The following TIMP3 variants were observed in gnomAD, a reference collection of about 807,000 sequenced individuals.
TIMP3 encodes the protein metalloproteinase inhibitor 3.
In TIMP3, 11 loss-of-function variants were observed where a neutral mutation model predicts 30.0. The ratio of observed to expected loss-of-function variants is 0.37; its 90% CI spans 0.23 to 0.61. TIMP3 has a LOEUF of 0.61. Ranked by LOEUF, TIMP3 falls within the 20% of genes least tolerant of loss-of-function variation. The pLI is 0.70. For synonymous variants in TIMP3, 112 were observed against 111.3 expected, an observed-to-expected ratio of 1.01 and a Z score of -0.04; for missense variants, 181 against 276.8, an observed-to-expected ratio of 0.65 and a Z score of 2.45.
chr22:32,850,118 GT>G (rs1433565026), intron 2 of TIMP3, among the ~76,000 whole-genome samples: 2 of 150,096 alleles, frequency 1.3e-5, no homozygotes, highest in African/African-American at 4.9e-5. Context: ...AGTTAGCAAT[GT>G]TTGCTAAGCA....
At chr22:32,825,807 G>A (rs989030126) in intron 1 of TIMP3, among the ~76,000 whole-genome samples, 19 of 148,906 alleles carry the variant, frequency 1.3e-4, no homozygotes, top group African/African-American at 3.5e-4. Context: ...GTTTATAAAA[G>A]CATCCAACTA....
chr22:32,812,134 C>T (rs1375282743), intron 1 of TIMP3, among the ~76,000 whole-genome samples: 1 of 152,134 alleles, frequency 6.6e-6, no homozygotes, highest in African/African-American at 2.4e-5. Flanking sequence ...GATATTGGCT[C>T]TATGTGGTGT....
chr22:32,846,800 C>T (rs2048076740), intron 1 of TIMP3, among the ~76,000 whole-genome samples: 2 of 152,152 alleles, frequency 1.3e-5, no homozygotes, highest in Admixed American at 1.3e-4. Flanking sequence ...AGGAAAGAGC[C>T]CCAGAGAGAT....
intron 2 of TIMP3, 102 bp from the exon 3 acceptor site, chr22:32,857,147 C>A: frequency 1.1e-6 from 1 of 887,148 alleles, no homozygotes; most frequent in Non-Finnish European, 1.9e-6. Flanking sequence ...CTTCCATATT[C>A]CGATTTCCTT....
At chr22:32,846,937 G>C (rs775340661) in intron 1 of TIMP3, among the ~76,000 whole-genome samples, 2 of 152,212 alleles carry the variant, frequency 1.3e-5, no homozygotes, top group Non-Finnish European at 2.9e-5. Flanking sequence ...GAAGGAGTTG[G>C]CTGGTTGTAT....
At position 32,827,936 on chromosome 22, in the gene TIMP3, T is replaced by C. The variant is rs1312363168; in HGVS notation, c.122-21516T>C. On this transcript the variant is annotated intron_variant, in intron 1 of 4. Transcript: ENST00000266085. ...GGTCTCAACTCAAATGTCACCTTCGTAGAGAGGCCTTCCTTGCCTCCCTTC... is the reference window on the plus strand; with the variant it reads ...GGTCTCAACTCAAATGTCACCTTCGCAGAGAGGCCTTCCTTGCCTCCCTTC... Among the ~76,000 whole-genome samples the C allele has an allele frequency of 2.0e-5, 3 of 152,324 alleles. No individual in the cohort carries two copies. The East Asian group carries it at 5.8e-4, about 29-fold the overall frequency.
intron 1 of TIMP3, among the ~76,000 whole-genome samples, chr22:32,820,314 G>A (rs909391402): frequency 7.3e-5 from 11 of 150,290 alleles, no homozygotes; most frequent in African/African-American, 2.7e-4. Context: ...GTTCTACTCC[G>A]TGTGTGTGTC....
At chr22:32,834,934 A>G (rs1454241763) in intron 1 of TIMP3, among the ~76,000 whole-genome samples, 1 of 152,204 alleles carries the variant, frequency 6.6e-6, no homozygotes, top group African/African-American at 2.4e-5. Flanking sequence ...TTCAGTCAGA[A>G]TGAACTAGTG....
chr22:32,853,795 A>G (rs1166217745), intron 2 of TIMP3, among the ~76,000 whole-genome samples: 1 of 152,218 alleles, frequency 6.6e-6, no homozygotes, highest in Non-Finnish European at 1.5e-5. Context: ...CTGCTATTCT[A>G]AGTCATTTGC....
chr22:32,804,342 G>C (rs189362608), intron 1 of TIMP3, among the ~76,000 whole-genome samples: 3 of 152,282 alleles, frequency 2.0e-5, no homozygotes, highest in Admixed American at 2.0e-4. Context: ...TGGCTCCCAA[G>C]TTTCATTGCT....
intron 1 of TIMP3, among the ~76,000 whole-genome samples, chr22:32,803,050 C>T (rs1009821763): frequency 6.6e-6 from 1 of 152,016 alleles, no homozygotes; most frequent in Admixed American, 6.6e-5. Context: ...GTGTTTGGGA[C>T]ACTTGTGTTT....
In TIMP3 at chr22:32,802,025, C is replaced by T. The variant is rs2046600499; in HGVS notation, c.24C>T (p.Ile8=). 1 of 1,576,918 alleles carries T rather than the reference C, an allele frequency of 6.3e-7. No homozygotes were observed. Among genetic ancestry groups the T allele is most frequent in the African/African-American group, 1.3e-5 (1 of 74,562 alleles). Residue 8 remains isoleucine (I), a synonymous_variant, in exon 1 of 5, where the codon ATC becomes ATT. Coordinates refer to ENST00000266085, the MANE Select transcript of TIMP3 (RefSeq NM_000362.5). Reference sequence around the variant, plus strand: ...CAATGACCCCTTGGCTCGGGCTCATCGTGCTCCTGGGCAGCTGGAGCCTGG... The same window carrying T: ...CAATGACCCCTTGGCTCGGGCTCATTGTGCTCCTGGGCAGCTGGAGCCTGG... MTPWLGL[I]VLLGSWSLGD...
intron 1 of TIMP3, among the ~76,000 whole-genome samples, chr22:32,844,229 G>A (rs1055160381): frequency 6.6e-6 from 1 of 152,156 alleles, no homozygotes; most frequent in African/African-American, 2.4e-5. Flanking sequence ...GAGAGAGAGA[G>A]GGAGGGCAGC....
intron 1 of TIMP3, among the ~76,000 whole-genome samples, chr22:32,809,516 C>T (rs2046855416): frequency 6.6e-6 from 1 of 152,184 alleles, no homozygotes. Flanking sequence ...GGTTCCCAGA[C>T]TTTTCAACAC....
intron 1 of TIMP3, among the ~76,000 whole-genome samples, chr22:32,806,059 T>C (rs903634029): frequency 6.6e-6 from 1 of 151,858 alleles, no homozygotes; most frequent in Non-Finnish European, 1.5e-5. Flanking sequence ...TTGGTTTGTC[T>C]CACTGTGGCC....
chr22:32,829,208 T>C (rs1225795296), intron 1 of TIMP3, among the ~76,000 whole-genome samples: 1 of 152,158 alleles, frequency 6.6e-6, no homozygotes, highest in African/African-American at 2.4e-5. Context: ...CAGAGACCCA[T>C]GAGGTGCGTT....
intron 1 of TIMP3, among the ~76,000 whole-genome samples, chr22:32,834,670 G>A (rs967477082): frequency 2.6e-5 from 4 of 152,214 alleles, no homozygotes; most frequent in Admixed American, 6.5e-5. Context: ...GCAGGCATGT[G>A]CAGTTTATCA....
intron 2 of TIMP3, among the ~76,000 whole-genome samples, chr22:32,854,229 G>A (rs920777912): frequency 6.6e-6 from 1 of 152,134 alleles, no homozygotes; most frequent in Non-Finnish European, 1.5e-5. Flanking sequence ...AAAACACAGC[G>A]CTATGTTTGT....
In TIMP3 at chr22:32,839,739, G is replaced by A. The variant is rs907873394; in HGVS notation, c.122-9713G>A. Among the ~76,000 whole-genome samples, 3 of 152,142 alleles carry A rather than the reference G, an allele frequency of 2.0e-5. No individual in the cohort carries two copies. In the South Asian group the frequency reaches 6.2e-4, roughly 31 times the overall value. On this transcript the variant is annotated intron_variant, in intron 1 of 4. Coordinates refer to ENST00000266085, the MANE Select transcript of TIMP3 (RefSeq NM_000362.5). ...CTCTTAAATTTTGTCATTTCATTGT[G>A]TAAAACTGAGGTTGCCCCTTAACAC...
Sources: gnomAD v4.1 joint callset for allele counts (sites outside exome capture counted in the v4.1 genomes callset) on GRCh38, gnomAD v4.1.1 for gene constraint, MANE v1.5 for transcripts, NCBI Gene and HGNC (gene_info 2026-07-23, HGNC 2026-07-21) for gene names.